CCDC88C: variants seen among roughly 807,000 people sequenced by gnomAD.
CCDC88C encodes coiled-coil and HOOK domain protein 88C.
A neutral mutation model predicts 198.8 loss-of-function variants in CCDC88C; 131 were observed. That is an observed-to-expected ratio of 0.66 (90% CI 0.57 to 0.76). CCDC88C has a LOEUF of 0.76. Among genes scored for constraint, CCDC88C ranks in the 30% least tolerant of loss-of-function variants. CCDC88C has a pLI of 0.00. For synonymous variants in CCDC88C, 1,166 were observed against 1,114.7 expected, an observed-to-expected ratio of 1.05 and a Z score of -0.92; for missense variants, 2,553 against 2,631.6, an observed-to-expected ratio of 0.97 and a Z score of 0.65.
At chr14:91,277,102 T>TG (rs1321483925) in intron 29 of CCDC88C, among the ~76,000 whole-genome samples, 1 of 152,138 alleles carries the variant, frequency 6.6e-6, no homozygotes, top group African/African-American at 2.4e-5. Context: ...CCCGAGTAGT[T>TG]GGGGTTAAAG....
intron 4 of CCDC88C, among the ~76,000 whole-genome samples, chr14:91,353,345 C>T (rs777582172): frequency 6.6e-6 from 1 of 152,180 alleles, no homozygotes; most frequent in Non-Finnish European, 1.5e-5. Flanking sequence ...CTCATCAGCC[C>T]CCTTGCACTG....
rs992502133 is a variant in CCDC88C at position 91,321,320 on chromosome 14, A to G, written c.1343-16T>C. On this transcript the variant is annotated splice_polypyrimidine_tract_variant and intron_variant, in intron 12 of 29. Coordinates refer to ENST00000389857, the MANE Select transcript of CCDC88C (RefSeq NM_001080414.4). Reference sequence around the variant, plus strand: ...TTCCTGGAGGCTGAAGACAAAGTCCAGTCAGAGCCCAGTGGTCTGTGGGCC... The same window carrying G: ...TTCCTGGAGGCTGAAGACAAAGTCCGGTCAGAGCCCAGTGGTCTGTGGGCC... 1.2e-5 allele frequency: 19 copies of G among 1,550,156 alleles called. No individual in the cohort carries two copies. In the African/African-American group the frequency reaches 1.9e-4, roughly 16 times the overall value.
intron 3 of CCDC88C, chr14:91,407,984 T>C (rs2140012286): frequency 6.6e-6 from 1 of 152,636 alleles, no homozygotes; most frequent in East Asian, 1.9e-4. Flanking sequence ...TTCATCGCGT[T>C]GGCCAGGATG....
chr14:91,325,771 G>C lies in CCDC88C; in HGVS notation c.1197+139C>G. The C allele has an allele frequency of 1.3e-6, 1 of 754,590 alleles. No individual in the cohort carries two copies. Among genetic ancestry groups the C allele is most frequent in the Non-Finnish European group, 2.1e-6 (1 of 478,378 alleles). The allele number at this position is 754,590 out of a possible 1,614,324, so 46.7% of individuals were successfully genotyped here. A position where few individuals can be genotyped will look rare whatever the true frequency, so the allele number is the denominator to read the frequency against. On this transcript the variant is annotated intron_variant, in intron 11 of 29. Transcript: ENST00000389857. This position sits in a 1 kb window ranked among gnomAD's most constrained non-coding sequence, Gnocchi z 4.1. ...TTAGTTTTCGTAGAGATGGGGCCTCGCTAGGTTGCCAGGGTTAGAACTCCT... is the reference window on the plus strand; with the variant it reads ...TTAGTTTTCGTAGAGATGGGGCCTCCCTAGGTTGCCAGGGTTAGAACTCCT...
intron 4 of CCDC88C, among the ~76,000 whole-genome samples, chr14:91,349,511 C>CA (rs1237764856): frequency 6.6e-6 from 1 of 152,126 alleles, no homozygotes; most frequent in African/African-American, 2.4e-5. Context: ...ATTTCTACAC[C>CA]AAAAAAGTCA....
At chr14:91,362,029 T>A (rs1894328036) in intron 3 of CCDC88C, among the ~76,000 whole-genome samples, 1 of 151,118 alleles carries the variant, frequency 6.6e-6, no homozygotes, top group Non-Finnish European at 1.5e-5. Context: ...AGGTCAGGGG[T>A]TCAAGACCAG....
intron 3 of CCDC88C, among the ~76,000 whole-genome samples, chr14:91,378,319 C>G (rs1353867400): frequency 6.6e-6 from 1 of 152,078 alleles, no homozygotes; most frequent in African/African-American, 2.4e-5. Context: ...CAGACTCCAC[C>G]CCCTCCCCCA....
chr14:91,303,589 G>T, intron 20 of CCDC88C, 112 bp downstream of exon 20: 3 of 1,088,418 alleles, frequency 2.8e-6, no homozygotes, highest in African/African-American at 1.8e-5. Context: ...CCCAGGCCCT[G>T]CCTCTCCCCT....
chr14:91,363,734 C>A (rs1285811), intron 3 of CCDC88C, among the ~76,000 whole-genome samples: 2 of 152,256 alleles, frequency 1.3e-5, no homozygotes, highest in Non-Finnish European at 2.9e-5. Context: ...AGTCACACTG[C>A]GGTATCTCCA....
chr14:91,414,691 G>A (rs746669753), intron 2 of CCDC88C, among the ~76,000 whole-genome samples: 9 of 152,142 alleles, frequency 5.9e-5, no homozygotes, highest in Admixed American at 2.0e-4. Context: ...TGGAAAGCCA[G>A]CCATTCAGCC....
intron 2 of CCDC88C, among the ~76,000 whole-genome samples, chr14:91,411,262 A>C (rs1220563872): frequency 6.6e-6 from 1 of 152,134 alleles, no homozygotes; most frequent in Non-Finnish European, 1.5e-5. Flanking sequence ...ACAAAATGGG[A>C]ATCAAGAGAC....
chr14:91,321,166 A>C lies in CCDC88C; in HGVS notation c.1481T>G (p.Leu494Arg), dbSNP rs765661476. 8.6e-5 allele frequency: 138 copies of C among 1,613,002 alleles called. No individual in the cohort carries two copies. The highest frequency in any genetic ancestry group is 1.1e-4 in the Non-Finnish European group (125 of 1,179,638). The stretch of plus-strand genomic sequence containing the variant: ...CTCCTTCTCCAGCTCCCCGCACTTG[A>C]GGCCGCTCTCCTCCAACACCAGGGA... ...DASLVLEESG[L>R]KCGELEKENH... The change falls in exon 13 of 30, where the codon CTC becomes CGC. Residue 494 changes from leucine to arginine, a missense_variant. By Grantham distance (102) the Leu-to-Arg change is moderately radical (BLOSUM62 -2). This residue lies in a region of CCDC88C where 1,260 missense variants were observed against 1,412.0 expected (regional missense o/e 0.89). Coordinates refer to ENST00000389857, the MANE Select transcript of CCDC88C (RefSeq NM_001080414.4).
intron 27 of CCDC88C, chr14:91,279,602 G>T: frequency 3.7e-6 from 1 of 268,994 alleles, no homozygotes; most frequent in Non-Finnish European, 7.1e-6. Context: ...CACACAGAAC[G>T]CCAGTATAGA....
chr14:91,411,952 G>C (rs1341660650), intron 2 of CCDC88C, among the ~76,000 whole-genome samples: 2 of 140,544 alleles, frequency 1.4e-5, no homozygotes, highest in African/African-American at 5.6e-5. Flanking sequence ...AACAGAGTGA[G>C]ACTCCATCTC....
chr14:91,325,833 T>C lies in CCDC88C; in HGVS notation c.1197+77A>G. ...ATCCTCCCACCTTAGCCTCCCAAAG[T>C]GCTGGGATTACAGGCATGAGCCACT... On this transcript the variant is annotated intron_variant, in intron 11 of 29. Transcript: ENST00000389857. This position sits in a 1 kb window ranked among gnomAD's most constrained non-coding sequence, Gnocchi z 4.1. The C allele has an allele frequency of 7.0e-7, 1 of 1,422,868 alleles. No homozygotes were observed. Among genetic ancestry groups the C allele is most frequent in the Non-Finnish European group, 9.5e-7 (1 of 1,047,396 alleles). 88.1% of individuals were successfully genotyped at this position (1,422,868 alleles called of 1,614,324 possible). A position where few individuals can be genotyped will look rare whatever the true frequency, so the allele number is the denominator to read the frequency against.
chr14:91,411,316 G>A (rs1006319126), intron 2 of CCDC88C, among the ~76,000 whole-genome samples: 1 of 152,166 alleles, frequency 6.6e-6, no homozygotes, highest in Admixed American at 6.5e-5. Context: ...AGCTCACTGG[G>A]CTTCAGTGTT....
intron 21 of CCDC88C, among the ~76,000 whole-genome samples, chr14:91,298,100 T>C (rs1480490724): frequency 2.0e-5 from 3 of 152,214 alleles, no homozygotes; most frequent in Non-Finnish European, 1.5e-5. Flanking sequence ...GATTTGGACA[T>C]AGACGTGTCT....
chr14:91,393,613 G>A (rs1412438235), intron 3 of CCDC88C, among the ~76,000 whole-genome samples: 1 of 152,118 alleles, frequency 6.6e-6, no homozygotes, highest in African/African-American at 2.4e-5. Flanking sequence ...TGGGATACTC[G>A]CCTCTGCAAC....
Position 91,380,697 on chromosome 14 carries a change from T to C in CCDC88C, c.271-20986A>G, listed in dbSNP as rs528968343. On this transcript the variant is annotated intron_variant, in intron 3 of 29. Transcript: ENST00000389857. ...TACATGCTCTGAAGTTGTTTTTTTT[T>C]CCCCTATGTGCCTCTTAAAATGAAG... is the stretch of plus-strand genomic sequence containing the variant. 2.2e-4 allele frequency among the ~76,000 whole-genome samples: 33 copies of C among 152,304 alleles called. 1 individual carries two copies. The highest frequency in any genetic ancestry group is 2.2e-4 in the African/African-American group (9 of 41,562).
Sources: gnomAD v4.1 joint callset for allele counts (sites outside exome capture counted in the v4.1 genomes callset) on GRCh38, gnomAD v4.1.1 for gene constraint, gnomAD v4.1.1 regional missense constraint, Gnocchi (gnomAD v3.1) non-coding constraint, MANE v1.5 for transcripts, NCBI Gene and HGNC (gene_info 2026-07-23, HGNC 2026-07-21) for gene names.